SH3BGRL: variants seen among roughly 807,000 people sequenced by gnomAD.
The protein encoded by SH3BGRL is adapter SH3BGRL.
Under a neutral mutation model 9.8 loss-of-function variants are expected in SH3BGRL, and 7 were observed. The observed-to-expected ratio is 0.72, with a 90% CI of 0.41 to 1.35. The LOEUF (loss-of-function observed/expected upper bound fraction) is 1.35. Among genes scored for constraint, SH3BGRL ranks in the 40% most tolerant of loss-of-function variants. SH3BGRL has a pLI of 0.01. For synonymous variants in SH3BGRL, 36 were observed against 29.1 expected, an observed-to-expected ratio of 1.24 and a Z score of -0.76; for missense variants, 73 against 84.4, an observed-to-expected ratio of 0.86 and a Z score of 0.53.
At chrX:81,271,804 T>C (rs1033022997) in intron 1 of SH3BGRL, among the ~76,000 whole-genome samples, 2 of 110,786 alleles carry the variant, frequency 1.8e-5, no homozygotes, top group Admixed American at 9.6e-5. Flanking sequence ...TCAGATTACG[T>C]TGCATTGTGA....
In SH3BGRL at chrX:81,250,512, A is replaced by C. The variant is rs760892067; in HGVS notation, c.46-26472A>C. Among the ~76,000 whole-genome samples the C allele has an allele frequency of 4.5e-5, 5 of 112,343 alleles. No homozygotes were observed. The East Asian group carries it at 1.4e-3, about 31-fold the overall frequency. On this transcript the variant is annotated intron_variant, in intron 1 of 3. Transcript: ENST00000373212. ...GTCTCACGCATAATACTTTGGTATA[A>C]CCCAAGTTTGGTGTTGTACTCCATC...
intron 1 of SH3BGRL, among the ~76,000 whole-genome samples, chrX:81,217,742 G>T (rs1006155867): frequency 3.6e-5 from 4 of 111,452 alleles, no homozygotes; most frequent in Non-Finnish European, 3.8e-5. Flanking sequence ...TGGGTAGAAT[G>T]TTCTGTAAAT....
In SH3BGRL at chrX:81,277,111, G is replaced by A. The variant is rs746556626; in HGVS notation, c.173G>A (p.Arg58Gln). The A allele has an allele frequency of 4.1e-6, 5 of 1,206,462 alleles. No individual in the cohort carries two copies. The highest frequency in any genetic ancestry group is 3.6e-5 in the South Asian group (2 of 55,918). ...AGAGAAAATGTACCTGAAAATAGTC[G>A]ACCAGCCACAGGTTACCCCCTGCCA... ...WMRENVPENS[R>Q]PATGYPLPPQ... Residue 58 changes from arginine to glutamine, a missense_variant, in exon 2 of 4, where the codon CGA becomes CAA. Arg to Gln is a conservative substitution (Grantham distance 43). Coordinates refer to ENST00000373212, the MANE Select transcript of SH3BGRL (RefSeq NM_003022.3).
At chrX:81,281,761 G>C (rs941927572) in intron 3 of SH3BGRL, among the ~76,000 whole-genome samples, 1 of 111,721 alleles carries the variant, frequency 9.0e-6, no homozygotes, top group East Asian at 2.8e-4. Context: ...GAAAGCAAAA[G>C]CAAAAAACAA....
intron 1 of SH3BGRL, among the ~76,000 whole-genome samples, chrX:81,237,820 A>G (rs139575878): frequency 3.8e-5 from 4 of 105,757 alleles, no homozygotes; most frequent in African/African-American, 1.0e-4. Flanking sequence ...TCACAGCTCC[A>G]AAAGAAGCGC....
intron 1 of SH3BGRL, among the ~76,000 whole-genome samples, chrX:81,206,051 T>A: frequency 8.9e-6 from 1 of 111,786 alleles, no homozygotes; most frequent in Non-Finnish European, 1.9e-5. Flanking sequence ...TTTAAAAAAA[T>A]TGGATTATTT....
chrX:81,243,163 T>C (rs749732831), intron 1 of SH3BGRL, among the ~76,000 whole-genome samples: 39 of 112,270 alleles, frequency 3.5e-4, no homozygotes, highest in Non-Finnish European at 6.6e-4. Flanking sequence ...GAATGAAATG[T>C]AAAGAAAATG....
intron 3 of SH3BGRL, among the ~76,000 whole-genome samples, chrX:81,290,041 A>G (rs940738634): frequency 8.9e-6 from 1 of 112,118 alleles, no homozygotes; most frequent in Non-Finnish European, 1.9e-5. Flanking sequence ...ATCTCACCTC[A>G]GTTAATATGG....
At chrX:81,232,026 A>C (rs1018238216) in intron 1 of SH3BGRL, among the ~76,000 whole-genome samples, 72 of 109,963 alleles carry the variant, frequency 6.5e-4, no homozygotes, top group African/African-American at 2.2e-3. Context: ...ACAGACACCC[A>C]CACACACACA....
chrX:81,279,589 TG>T (rs2075809360), intron 3 of SH3BGRL, among the ~76,000 whole-genome samples: 1 of 111,124 alleles, frequency 9.0e-6, no homozygotes, highest in African/African-American at 3.3e-5. Context: ...AAGGTCTGTT[TG>T]CGGGAGAAGT....
chrX:81,224,279 A>T (rs774901088), intron 1 of SH3BGRL, among the ~76,000 whole-genome samples: 2 of 111,308 alleles, frequency 1.8e-5, no homozygotes, highest in Non-Finnish European at 3.8e-5. Flanking sequence ...ATGCTAATCA[A>T]CCAGGAAACC....
chrX:81,211,586 C>CA lies in SH3BGRL; in HGVS notation c.45+9354dup, dbSNP rs1163175860. On this transcript the variant is annotated intron_variant, in intron 1 of 3. Transcript: ENST00000373212. Reference sequence around the variant, plus strand: ...TGGGCTACAGAGCGAGACTCCGTCTCAAAAAAAAAAAAAGTCAGTGAGTTG... The same window carrying CA: ...TGGGCTACAGAGCGAGACTCCGTCTCAAAAAAAAAAAAAAGTCAGTGAGTTG... 4.3e-3 allele frequency among the ~76,000 whole-genome samples: 402 copies of CA among 94,516 alleles called. 1 individual carries two copies. Among genetic ancestry groups the CA allele is most frequent in the African/African-American group, 8.0e-3 (209 of 25,972 alleles). The allele number at this position is 94,516 out of a possible 115,157, so 82.1% of individuals were successfully genotyped here.
intron 1 of SH3BGRL, among the ~76,000 whole-genome samples, chrX:81,264,712 C>T (rs1199827001): frequency 1.8e-5 from 2 of 110,777 alleles, no homozygotes; most frequent in Non-Finnish European, 3.8e-5. Flanking sequence ...CAAATATGCT[C>T]ACTGTCTGCC....
intron 3 of SH3BGRL, among the ~76,000 whole-genome samples, chrX:81,296,449 G>A (rs1020489269): frequency 9.0e-6 from 1 of 111,530 alleles, no homozygotes; most frequent in African/African-American, 3.3e-5. Context: ...TAAAAATCTA[G>A]TGTCTCTTTT....
At chrX:81,217,320 AT>A (rs1178698947) in intron 1 of SH3BGRL, among the ~76,000 whole-genome samples, 1 of 102,889 alleles carries the variant, frequency 9.7e-6, no homozygotes, top group African/African-American at 3.6e-5. Flanking sequence ...TTGGGTTTGG[AT>A]TTTGTTTCTC....
At chrX:81,265,009 AT>A (rs772578478) in intron 1 of SH3BGRL, among the ~76,000 whole-genome samples, 1,189 of 91,845 alleles carry the variant, frequency 0.013, 12 homozygotes, top group African/African-American at 0.033. Flanking sequence ...GAATGACTGT[AT>A]TTTTTTTTTT....
chrX:81,291,321 C>T lies in SH3BGRL; in HGVS notation c.313-5874C>T, dbSNP rs368919007. Among the ~76,000 whole-genome samples the T allele has an allele frequency of 3.3e-4, 37 of 111,148 alleles. No individual in the cohort carries two copies. The East Asian group carries it at 8.5e-3, about 26-fold the overall frequency. On this transcript the variant is annotated intron_variant, in intron 3 of 3. Coordinates refer to ENST00000373212, the MANE Select transcript of SH3BGRL (RefSeq NM_003022.3). ...TGGGAGGCCTCGGGAAACTTACAAT[C>T]ATGGTGGAAGGCAAAGGGGAAGCAA...
At chrX:81,268,837 A>T (rs1308754235) in intron 1 of SH3BGRL, among the ~76,000 whole-genome samples, 1 of 110,972 alleles carries the variant, frequency 9.0e-6, no homozygotes, top group Non-Finnish European at 1.9e-5. Context: ...TTCCATTATT[A>T]TTGTGTGGGA....
chrX:81,219,919 T>G (rs772216209), intron 1 of SH3BGRL, among the ~76,000 whole-genome samples: 1 of 111,863 alleles, frequency 8.9e-6, no homozygotes, highest in South Asian at 3.7e-4. Context: ...ATGTATTACA[T>G]TGATCGATTT....
Sources: allele counts gnomAD v4.1 joint callset (sites outside exome capture counted in the v4.1 genomes callset), GRCh38; gene constraint gnomAD v4.1.1; transcripts MANE v1.5; gene names NCBI Gene and HGNC (gene_info 2026-07-23, HGNC 2026-07-21).